The following PDE11A variants were observed in gnomAD, a reference collection of about 807,000 sequenced individuals.
The protein encoded by PDE11A is phosphodiesterase 11A.
In PDE11A, 100 loss-of-function variants were observed where a neutral mutation model predicts 100.5. That is an observed-to-expected ratio of 1.00 (90% CI 0.85 to 1.18). PDE11A has a LOEUF of 1.18. Ranked by LOEUF, PDE11A falls within the 50% of genes most tolerant of loss-of-function variation. The probability of loss-of-function intolerance (pLI) is 0.00; values close to 1 mark genes in which losing one functional copy is unlikely to be tolerated. For missense variants in PDE11A, 1,141 were observed against 1,152.6 expected (o/e 0.99, Z 0.15); for synonymous variants, 381 against 420.8 (o/e 0.91, Z 1.16).
intron 2 of PDE11A, among the ~76,000 whole-genome samples, chr2:177,922,242 G>GCTTAC (rs1392427322): frequency 6.6e-6 from 1 of 151,998 alleles, no homozygotes; most frequent in Non-Finnish European, 1.5e-5. Flanking sequence ...CAAGATCTGT[G>GCTTAC]TGTATCCAAC....
At chr2:177,956,117 C>T (rs1001475751) in intron 2 of PDE11A, among the ~76,000 whole-genome samples, 1 of 151,984 alleles carries the variant, frequency 6.6e-6, no homozygotes, top group Admixed American at 6.5e-5. Flanking sequence ...TCAGAGTGAA[C>T]AGGCAACCTA....
chr2:177,728,968 T>C (rs1400318819), intron 10 of PDE11A, among the ~76,000 whole-genome samples: 5 of 152,180 alleles, frequency 3.3e-5, no homozygotes, highest in Admixed American at 1.3e-4. Context: ...GGGTTTACCA[T>C]ATTCTTTGGA....
At chr2:177,936,371 C>T (rs1038347681) in intron 2 of PDE11A, among the ~76,000 whole-genome samples, 1 of 152,106 alleles carries the variant, frequency 6.6e-6, no homozygotes, top group Non-Finnish European at 1.5e-5. Context: ...ATCTATTTTT[C>T]ATTCAGGTTC....
chr2:178,086,322 A>C (rs1559067503), intron 2 of PDE11A, among the ~76,000 whole-genome samples: 1 of 152,226 alleles, frequency 6.6e-6, no homozygotes, highest in African/African-American at 2.4e-5. Flanking sequence ...TAAAGTAATC[A>C]AAGTCAACCC....
intron 13 of PDE11A, among the ~76,000 whole-genome samples, chr2:177,705,702 T>C (rs1389923152): frequency 1.3e-5 from 2 of 152,170 alleles, no homozygotes; most frequent in Non-Finnish European, 2.9e-5. Context: ...AAGGAAACTT[T>C]AAAAAGGAAA....
intron 12 of PDE11A, among the ~76,000 whole-genome samples, chr2:177,714,238 C>T (rs1157543026): frequency 6.6e-6 from 1 of 152,094 alleles, no homozygotes; most frequent in Non-Finnish European, 1.5e-5. Context: ...TGTGATCCAC[C>T]TGCCTCAGCC....
chr2:177,667,566 T>C (rs1450130911), intron 18 of PDE11A, among the ~76,000 whole-genome samples: 1 of 152,186 alleles, frequency 6.6e-6, no homozygotes, highest in Non-Finnish European at 1.5e-5. Flanking sequence ...ATTATTGTAC[T>C]AGTCACTTCT....
intron 10 of PDE11A, among the ~76,000 whole-genome samples, chr2:177,737,432 T>TACACAC (rs1237615399): frequency 1.5e-5 from 2 of 136,548 alleles, no homozygotes; most frequent in African/African-American, 5.1e-5. Context: ...CACACACACA[T>TACACAC]ACACACACAC....
chr2:177,927,423 A>G (rs531808813), intron 2 of PDE11A, among the ~76,000 whole-genome samples: 1 of 152,350 alleles, frequency 6.6e-6, no homozygotes, highest in South Asian at 2.1e-4. Flanking sequence ...TGAAGAGGAA[A>G]GACATTCATT....
intron 9 of PDE11A, among the ~76,000 whole-genome samples, chr2:177,796,250 G>C (rs1177898240): frequency 6.6e-6 from 1 of 151,926 alleles, no homozygotes; most frequent in Non-Finnish European, 1.5e-5. Context: ...GCTCCACTCT[G>C]TCTCTTCTAT....
chr2:177,845,113 A>C (rs1485268684), intron 5 of PDE11A, among the ~76,000 whole-genome samples: 1 of 146,486 alleles, frequency 6.8e-6, no homozygotes, highest in African/African-American at 2.6e-5. Context: ...CAGTAGGGGC[A>C]GCCGGGCAGA....
In PDE11A at chr2:178,014,694, G is replaced by A. The variant is rs137978351; in HGVS notation, c.913-234C>T. Among the ~76,000 whole-genome samples, 30 of 152,200 alleles carry A rather than the reference G, an allele frequency of 2.0e-4. 1 individual carries two copies. The East Asian group carries it at 4.4e-3, about 23-fold the overall frequency. ...GAAGAGAGAGACTTTAAGCCCAACC[G>A]CAACACATCAAAATTGGGGAAACGT... On this transcript the variant is annotated intron_variant, in intron 1 of 19. Transcript: ENST00000286063.
intron 2 of PDE11A, among the ~76,000 whole-genome samples, chr2:177,971,667 G>A (rs1355737765): frequency 6.6e-6 from 1 of 152,182 alleles, no homozygotes; most frequent in African/African-American, 2.4e-5. Flanking sequence ...GGAAGAGGAA[G>A]AGAGAGGGGA....
chr2:178,043,312 C>A (rs952040607), intron 1 of PDE11A, among the ~76,000 whole-genome samples: 1 of 152,120 alleles, frequency 6.6e-6, no homozygotes, highest in African/African-American at 2.4e-5. Context: ...TCCTTTCACA[C>A]TAAATTCAAG....
At chr2:177,779,259 A>G (rs2082420004) in intron 9 of PDE11A, among the ~76,000 whole-genome samples, 3 of 152,206 alleles carry the variant, frequency 2.0e-5, no homozygotes, top group Admixed American at 2.0e-4. Flanking sequence ...GCAAGTCGTA[A>G]TATTTTTGCT....
At chr2:178,104,739 T>C (rs957932181) in intron 1 of PDE11A, among the ~76,000 whole-genome samples, 12 of 152,340 alleles carry the variant, frequency 7.9e-5, no homozygotes, top group East Asian at 7.7e-4. Flanking sequence ...GAAACTGCTA[T>C]TGGTATCAAA....
chr2:178,065,778 C>T (rs557155276), intron 1 of PDE11A, among the ~76,000 whole-genome samples: 5 of 152,188 alleles, frequency 3.3e-5, no homozygotes, highest in Non-Finnish European at 7.4e-5. Flanking sequence ...GAGTGTAGAC[C>T]ATATCTATCA....
At chr2:177,783,411 G>GT (rs57140241) in intron 9 of PDE11A, among the ~76,000 whole-genome samples, 48,368 of 151,874 alleles carry the variant, frequency 0.32, 8,048 homozygotes, top group African/African-American at 0.38. Flanking sequence ...TTTTGAGGTG[G>GT]TTTTTTTCCC....
intron 2 of PDE11A, among the ~76,000 whole-genome samples, chr2:177,983,649 G>C (rs1464595960): frequency 6.6e-6 from 1 of 152,094 alleles, no homozygotes; most frequent in East Asian, 1.9e-4. Context: ...AAATGCATGA[G>C]AGTTTTGCTA....
Sources: allele counts gnomAD v4.1 joint callset (sites outside exome capture counted in the v4.1 genomes callset), GRCh38; gene constraint gnomAD v4.1.1; transcripts MANE v1.5; gene names NCBI Gene and HGNC (gene_info 2026-07-23, HGNC 2026-07-21).